Variants in BAIAP2 observed in about 807,000 individuals in gnomAD.
BAIAP2 encodes the protein BAR/IMD domain-containing adapter protein 2.
BAIAP2 carries 18 observed loss-of-function variants against 63.0 expected under a neutral mutation model. That is an observed-to-expected ratio of 0.29 (90% confidence interval 0.20 to 0.42). The LOEUF is 0.42. BAIAP2 is among the 10% of genes least tolerant of loss of function. The pLI is 1.00. For missense variants in BAIAP2, 610 were observed against 734.3 expected (o/e 0.83, Z 1.96); for synonymous variants, 386 against 307.6 (o/e 1.25, Z -2.67).
intron 8 of BAIAP2, 63 bp downstream of exon 8, chr17:81,103,786 C>T (rs944146140): frequency 2.6e-5 from 41 of 1,561,846 alleles, no homozygotes; most frequent in Admixed American, 5.3e-5. Context: ...GTTGTCAGGG[C>T]GGGGGGCCGC....
chr17:81,081,926 C>T (rs2054680308), intron 3 of BAIAP2, among the ~76,000 whole-genome samples: 2 of 152,156 alleles, frequency 1.3e-5, no homozygotes, highest in Admixed American at 6.5e-5. Flanking sequence ...AAGTGATTTC[C>T]AGGCAGGGGC....
chr17:81,104,507 C>A lies in BAIAP2; in HGVS notation c.1067-7C>A. 1 of 1,584,896 alleles carries A rather than the reference C, an allele frequency of 6.3e-7. No individual in the cohort carries two copies. Among genetic ancestry groups the A allele is most frequent in the Non-Finnish European group, 8.6e-7 (1 of 1,161,242 alleles). On this transcript the variant is annotated splice_polypyrimidine_tract_variant and splice_region_variant and intron_variant, in intron 9 of 13. Coordinates refer to ENST00000428708, the MANE Select transcript of BAIAP2 (RefSeq NM_001144888.2). The stretch of plus-strand genomic sequence containing the variant: ...GCAGTCCCCTTACCTGTCCCTTGTC[C>A]CAGCAGCCGAGAACAAGACTCTGCC...
chr17:81,090,477 G>A (rs979218179), intron 6 of BAIAP2, among the ~76,000 whole-genome samples: 6 of 152,264 alleles, frequency 3.9e-5, no homozygotes, highest in Admixed American at 3.9e-4. Flanking sequence ...GTTTCTTCAG[G>A]AAGGGCTAGG....
chr17:81,107,252 C>T (rs767498022), intron 12 of BAIAP2: 8 of 260,922 alleles, frequency 3.1e-5, no homozygotes, highest in African/African-American at 8.9e-5. Context: ...TGGACGCCGC[C>T]GCCTTTTGGG....
chr17:81,063,949 T>TGCTCA (rs59527966), intron 3 of BAIAP2: 88,976 of 151,408 alleles, frequency 0.59, 26,168 homozygotes, highest in Middle Eastern at 0.63. Flanking sequence ...GGGGTGGAGG[T>TGCTCA]GCTCAGCTCA....
intron 6 of BAIAP2, among the ~76,000 whole-genome samples, chr17:81,088,864 G>A (rs570486979): frequency 9.2e-5 from 14 of 152,350 alleles, no homozygotes; most frequent in South Asian, 2.1e-4. Flanking sequence ...GCATAGGGCC[G>A]GACAAAGGCA....
At chr17:81,073,337 C>T (rs1160885018) in intron 3 of BAIAP2, among the ~76,000 whole-genome samples, 2 of 152,138 alleles carry the variant, frequency 1.3e-5, no homozygotes, top group Non-Finnish European at 1.5e-5. Context: ...GTAGGAGTAC[C>T]AGGCCGGGGT....
At chr17:81,111,787 A>G (rs1227025617) in intron 13 of BAIAP2, among the ~76,000 whole-genome samples, 1 of 152,166 alleles carries the variant, frequency 6.6e-6, no homozygotes, top group Non-Finnish European at 1.5e-5. Flanking sequence ...ACACCTTCCA[A>G]TCGCCTACAC....
intron 2 of BAIAP2, among the ~76,000 whole-genome samples, chr17:81,055,263 G>T (rs1034182048): frequency 4.7e-5 from 7 of 150,270 alleles, no homozygotes; most frequent in East Asian, 4.0e-4. Context: ...CTGGCAGAAG[G>T]CCTGTCCCTG....
chr17:81,069,994 C>T lies in BAIAP2; in HGVS notation c.217+12027C>T, dbSNP rs569708092. Among the ~76,000 whole-genome samples, 61 of 152,250 alleles carry T rather than the reference C, an allele frequency of 4.0e-4. No individual in the cohort carries two copies. The South Asian group carries it at 0.012, about 30-fold the overall frequency. On this transcript the variant is annotated intron_variant, in intron 3 of 13. Coordinates refer to ENST00000428708, the MANE Select transcript of BAIAP2 (RefSeq NM_001144888.2). Reference sequence around the variant, plus strand: ...CCCCCTTTTTGGAGACAGAGTCTCACTCTGTCACTCAGGCTAGAGTGTGGT... The same window carrying T: ...CCCCCTTTTTGGAGACAGAGTCTCATTCTGTCACTCAGGCTAGAGTGTGGT...
At chr17:81,038,034 C>G (rs1008577195) in intron 1 of BAIAP2, among the ~76,000 whole-genome samples, 1 of 152,232 alleles carries the variant, frequency 6.6e-6, no homozygotes, top group Admixed American at 6.5e-5. Context: ...AACATAATCT[C>G]AGACCTTCTG....
At chr17:81,079,872 C>T (rs917137817) in intron 3 of BAIAP2, among the ~76,000 whole-genome samples, 6 of 152,164 alleles carry the variant, frequency 3.9e-5, no homozygotes, top group African/African-American at 7.2e-5. Context: ...GCTTAGGAAG[C>T]CTGGCACACC....
chr17:81,063,616 G>GT, intron 3 of BAIAP2: 1 of 152,512 alleles, frequency 6.6e-6, no homozygotes, highest in South Asian at 2.1e-4. Flanking sequence ...TGCCCTGGGA[G>GT]TTTTGCTTTC....
intron 3 of BAIAP2, among the ~76,000 whole-genome samples, chr17:81,067,085 A>G (rs2051616833): frequency 6.6e-6 from 1 of 152,232 alleles, no homozygotes; most frequent in Non-Finnish European, 1.5e-5. Context: ...GAGGGAAGCG[A>G]GATGCCCCTG....
At chr17:81,087,486 G>A (rs2055895582) in intron 6 of BAIAP2, 1 of 152,256 alleles carries the variant, frequency 6.6e-6, no homozygotes, top group Non-Finnish European at 1.5e-5. Flanking sequence ...TTCCTGCTCA[G>A]AGCCTGTGCC....
At chr17:81,106,594 A>G (rs537703192) in intron 11 of BAIAP2, 151 bp from the exon 12 acceptor site, 17 of 876,882 alleles carry the variant, frequency 1.9e-5, no homozygotes, top group East Asian at 5.4e-5. Flanking sequence ...GGCCCGGCCC[A>G]TGGTCCCCAG....
chr17:81,057,972 G>GGGGGGGC lies in BAIAP2; in HGVS notation c.217+5_217+6insGGGGGGC. On this transcript the variant is annotated splice_donor_region_variant and intron_variant, in intron 3 of 13. Transcript: ENST00000428708. ...GCCAGGGCTCCAAAGAACTCGGTGA[G>GGGGGGGC]ACCCCCCCCCCCCCCCCGCCTGGTA... 1.1e-6 allele frequency: 1 copy of GGGGGGGC among 911,326 alleles called. No homozygotes were observed. The allele number at this position is 911,326 out of a possible 1,614,324, so 56.5% of individuals were successfully genotyped here.
chr17:81,058,112 G>A, intron 3 of BAIAP2, 145 bp downstream of exon 3: 1 of 715,710 alleles, frequency 1.4e-6, no homozygotes, highest in East Asian at 2.8e-5. Flanking sequence ...AGTCACCCTG[G>A]GAGCTGCCTT....
At chr17:81,104,737 G>T in intron 10 of BAIAP2, 22 bp downstream of exon 10, 3 of 1,541,900 alleles carry the variant, frequency 1.9e-6, no homozygotes, top group Non-Finnish European at 2.6e-6. Flanking sequence ...TCGGGGGCGG[G>T]CTCCAGGCAG....
Sources: allele counts gnomAD v4.1 joint callset (sites outside exome capture counted in the v4.1 genomes callset), GRCh38; gene constraint gnomAD v4.1.1; transcripts MANE v1.5; gene names NCBI Gene and HGNC (gene_info 2026-07-23, HGNC 2026-07-21).